TRIM24: variants seen among roughly 807,000 people sequenced by gnomAD.
TRIM24 encodes tripartite motif containing 24, also known as transcription intermediary factor 1-alpha.
A neutral mutation model predicts 123.9 loss-of-function variants in TRIM24; 29 were observed. The observed-to-expected ratio is 0.23, with a 90% CI of 0.17 to 0.32. TRIM24 has a LOEUF of 0.32. TRIM24 is among the 10% of genes least tolerant of loss of function. The probability of loss-of-function intolerance (pLI) is 1.00; values close to 1 mark genes in which losing one functional copy is unlikely to be tolerated. For missense variants in TRIM24, 932 were observed against 1,295.3 expected (o/e 0.72, Z 4.31); for synonymous variants, 456 against 461.1 (o/e 0.99, Z 0.14).
rs1794933806 is a variant in TRIM24 at position 138,460,499 on chromosome 7, G to A, written c.-50G>A. 3.2e-6 allele frequency: 4 copies of A among 1,257,624 alleles called. No homozygotes were observed. Among genetic ancestry groups the A allele is most frequent in the Non-Finnish European group, 4.0e-6 (4 of 1,005,524 alleles). The allele number at this position is 1,257,624 out of a possible 1,614,324, so 77.9% of individuals were successfully genotyped here. ...GAGGAGGAGGAGGTCGTCGGGGGCG[G>A]CGGGCGGAGACCGCGCTCTCGCTTC... On this transcript the variant is annotated 5_prime_UTR_variant, in exon 1 of 19. Coordinates refer to ENST00000343526, the MANE Select transcript of TRIM24 (RefSeq NM_015905.3).
At chr7:138,556,349 G>C (rs546702193) in intron 9 of TRIM24, 181 of 152,218 alleles carry the variant, frequency 1.2e-3, no homozygotes, top group African/African-American at 4.1e-3. Flanking sequence ...AAGTTAATGA[G>C]AGGTAAACCC....
rs573082051 is a variant in TRIM24 at position 138,480,591 on chromosome 7, A to G, written c.364+19679A>G. ...CTTGTTAATATATCCTGCTGTTCGT[A>G]TATGTGAGTCCTGAGGTTTTGGTGT... On this transcript the variant is annotated intron_variant, in intron 1 of 18. Transcript: ENST00000343526. Among the ~76,000 whole-genome samples the G allele has an allele frequency of 3.9e-4, 60 of 152,058 alleles. 1 individual carries two copies. In the South Asian group the frequency reaches 8.9e-3, roughly 23 times the overall value.
At position 138,460,609 on chromosome 7, in the gene TRIM24, G is replaced by C; in HGVS notation, c.61G>C (p.Gly21Arg). The C allele has an allele frequency of 7.3e-7, 1 of 1,364,598 alleles. No individual in the cohort carries two copies. The allele number at this position is 1,364,598 out of a possible 1,614,324, so 84.5% of individuals were successfully genotyped here. The change falls in exon 1 of 19, where the codon GGG becomes CGG. Residue 21 changes from glycine (G) to arginine (R), a missense_variant. Coordinates refer to ENST00000343526, the MANE Select transcript of TRIM24 (RefSeq NM_015905.3). ...GGCAGCGGCCTCGGCTGCGGCCTCC[G>C]GGGGGCCCTCGGCGGCGCCGAGCGG... ...AAAAASAAAS[G>R]GPSAAPSGEN...
intron 6 of TRIM24, 53 bp downstream of exon 6, chr7:138,529,283 G>T: frequency 1.1e-6 from 1 of 908,982 alleles, no homozygotes; most frequent in South Asian, 2.3e-5. Flanking sequence ...ATTTCCTAAA[G>T]TACTGTGAAG....
At chr7:138,557,488 G>A (rs558056685) in intron 9 of TRIM24, among the ~76,000 whole-genome samples, 4 of 152,218 alleles carry the variant, frequency 2.6e-5, no homozygotes, top group South Asian at 4.2e-4. Context: ...AAGAGACAAG[G>A]GAGTATTAAG....
At chr7:138,524,413 A>G (rs1326742765) in intron 4 of TRIM24, among the ~76,000 whole-genome samples, 4 of 152,152 alleles carry the variant, frequency 2.6e-5, no homozygotes, top group Admixed American at 2.0e-4. Flanking sequence ...GTTGCCTATA[A>G]AAGTATTTGA....
intron 11 of TRIM24, 68 bp downstream of exon 11, chr7:138,571,071 T>G (rs1224812535): frequency 1.1e-5 from 16 of 1,508,040 alleles, no homozygotes; most frequent in Non-Finnish European, 1.5e-5. Context: ...GGCTCACTCC[T>G]GTAATCCCAG....
chr7:138,461,334 TC>T lies in TRIM24; in HGVS notation c.364+423del, dbSNP rs778987694. On this transcript the variant is annotated intron_variant, in intron 1 of 18. Coordinates refer to ENST00000343526, the MANE Select transcript of TRIM24 (RefSeq NM_015905.3). The stretch of plus-strand genomic sequence containing the variant: ...ATGATCCTGATCATCTCGTCTATAC[TC>T]ACGTTATTTGAGCTGCAGGGGAGAA... 8.8e-6 allele frequency: 4 copies of T among 453,546 alleles called. No homozygotes were observed. In the Admixed American group the frequency reaches 9.8e-5, roughly 11 times the overall value. The allele number at this position is 453,546 out of a possible 1,614,324, so 28.1% of individuals were successfully genotyped here. A position where few individuals can be genotyped will look rare whatever the true frequency, so the allele number is the denominator to read the frequency against.
rs73164638 is a variant in TRIM24 at position 138,508,682 on chromosome 7, T to C, written c.483+4274T>C. Reference sequence around the variant, plus strand: ...AGAGGAGTGTGTGTGTGTGTGTGTGTGTGTGTGTGTGCGCGCGCGTGTGTG... The same window carrying C: ...AGAGGAGTGTGTGTGTGTGTGTGTGCGTGTGTGTGTGCGCGCGCGTGTGTG... On this transcript the variant is annotated intron_variant, in intron 2 of 18. Coordinates refer to ENST00000343526, the MANE Select transcript of TRIM24 (RefSeq NM_015905.3). 8.2e-3 allele frequency among the ~76,000 whole-genome samples: 388 copies of C among 47,070 alleles called. 1 individual carries two copies. Among genetic ancestry groups the C allele is most frequent in the Admixed American group, 0.022 (95 of 4,244 alleles). 30.9% of individuals were successfully genotyped at this position (47,070 alleles called of 152,430 possible). A position where few individuals can be genotyped will look rare whatever the true frequency, so the allele number is the denominator to read the frequency against.
At position 138,508,692 on chromosome 7, in the gene TRIM24, T is replaced by TGTGTGTGTGTGCGCGC. The variant is rs1422176564; in HGVS notation, c.483+4285_483+4286insTGTGTGTGTGCGCGCG. On this transcript the variant is annotated intron_variant, in intron 2 of 18. Transcript: ENST00000343526. Reference sequence around the variant, plus strand: ...GTGTGTGTGTGTGTGTGTGTGTGTGTGCGCGCGCGTGTGTGCGTGTGTGTG... The same window carrying TGTGTGTGTGTGCGCGC: ...GTGTGTGTGTGTGTGTGTGTGTGTGTGTGTGTGTGTGCGCGCGCGCGCGCGTGTGTGCGTGTGTGTG... 1.2e-4 allele frequency among the ~76,000 whole-genome samples: 16 copies of TGTGTGTGTGTGCGCGC among 137,278 alleles called. No homozygotes were observed. In the South Asian group the frequency reaches 2.7e-3, roughly 23 times the overall value. 90.1% of individuals were successfully genotyped at this position (137,278 alleles called of 152,430 possible).
chr7:138,476,416 A>C (rs544758064), intron 1 of TRIM24, among the ~76,000 whole-genome samples: 2 of 151,910 alleles, frequency 1.3e-5, no homozygotes, highest in South Asian at 4.2e-4. Flanking sequence ...AACATGGTGA[A>C]ATCCTGTCTC....
At chr7:138,582,474 G>A (rs781749414) in intron 17 of TRIM24, among the ~76,000 whole-genome samples, 7 of 151,528 alleles carry the variant, frequency 4.6e-5, no homozygotes, top group Non-Finnish European at 8.8e-5. Flanking sequence ...CCTGGGAGGC[G>A]GAGCTTGCAG....
At chr7:138,476,558 A>T (rs997064427) in intron 1 of TRIM24, among the ~76,000 whole-genome samples, 1 of 149,496 alleles carries the variant, frequency 6.7e-6, no homozygotes, top group Non-Finnish European at 1.5e-5. Context: ...ATGCCACTGC[A>T]CTCCAGCCTG....
At chr7:138,584,077 T>C in intron 18 of TRIM24, 78 bp downstream of exon 18, 2 of 1,468,050 alleles carry the variant, frequency 1.4e-6, no homozygotes, top group Non-Finnish European at 1.8e-6. Context: ...CTTGTCAACA[T>C]AGGAGACCAA....
At chr7:138,540,562 C>T (rs1380604787) in intron 7 of TRIM24, among the ~76,000 whole-genome samples, 1 of 152,168 alleles carries the variant, frequency 6.6e-6, no homozygotes, top group Non-Finnish European at 1.5e-5. Flanking sequence ...CATCTTTAGG[C>T]TCTACTTATT....
chr7:138,581,709 C>T lies in TRIM24; in HGVS notation c.2731C>T (p.Leu911=), dbSNP rs747303181. 1.5e-5 allele frequency: 24 copies of T among 1,612,204 alleles called. No individual in the cohort carries two copies. The highest frequency in any genetic ancestry group is 2.0e-5 in the Non-Finnish European group (23 of 1,179,228). The change falls in exon 17 of 19, where the codon CTA becomes TTA. Residue 911 remains leucine, a synonymous_variant. Coordinates refer to ENST00000343526, the MANE Select transcript of TRIM24 (RefSeq NM_015905.3). ...TATTTTTGCTTAGAAGTGTGAGCGC[C>T]TACTTTTATTTCTTTACTGCCATGA... ...TPIDKRKCER[L]LLFLYCHEMS...
chr7:138,481,542 G>T (rs904464712), intron 1 of TRIM24, among the ~76,000 whole-genome samples: 2 of 151,930 alleles, frequency 1.3e-5, no homozygotes, highest in Non-Finnish European at 2.9e-5. Flanking sequence ...TGGGCTGGGC[G>T]CTGTAGCTCA....
intron 1 of TRIM24, among the ~76,000 whole-genome samples, chr7:138,480,657 T>C (rs1039597603): frequency 1.3e-5 from 2 of 152,200 alleles, no homozygotes; most frequent in Non-Finnish European, 2.9e-5. Flanking sequence ...TTAAATACGG[T>C]AAGGCAGAAT....
intron 14 of TRIM24, among the ~76,000 whole-genome samples, chr7:138,578,010 CAG>C (rs1015426621): frequency 6.6e-6 from 1 of 151,984 alleles, no homozygotes; most frequent in Non-Finnish European, 1.5e-5. Context: ...GAATCTGACA[CAG>C]AAGAAAAAGG....
Sources: allele counts gnomAD v4.1 joint callset (sites outside exome capture counted in the v4.1 genomes callset), GRCh38; gene constraint gnomAD v4.1.1; transcripts MANE v1.5; gene names NCBI Gene and HGNC (gene_info 2026-07-23, HGNC 2026-07-21).